The following COL12A1 variants were observed in gnomAD, a reference collection of about 807,000 sequenced individuals.
COL12A1 encodes collagen type XII alpha 1 chain, also known as collagen alpha-1(XII) chain.
COL12A1 carries 114 observed loss-of-function variants against 349.7 expected under a neutral mutation model. The observed-to-expected ratio is 0.33, with a 90% CI of 0.28 to 0.38. The LOEUF (loss-of-function observed/expected upper bound fraction) is 0.38. Ranked by LOEUF, COL12A1 falls within the 10% of genes least tolerant of loss-of-function variation. COL12A1 has a pLI of 1.00. For missense variants in COL12A1, 3,284 were observed against 3,756.9 expected (o/e 0.87, Z 3.29); for synonymous variants, 1,369 against 1,329.0 (o/e 1.03, Z -0.66).
chr6:75,173,632 C>T (rs559086043), intron 13 of COL12A1, among the ~76,000 whole-genome samples: 7 of 152,300 alleles, frequency 4.6e-5, no homozygotes, highest in South Asian at 2.1e-4. Flanking sequence ...GCCTTGGTCT[C>T]GCAAAGTGCT....
intron 3 of COL12A1, among the ~76,000 whole-genome samples, chr6:75,194,179 T>C (rs1166769354): frequency 6.6e-6 from 1 of 152,184 alleles, no homozygotes; most frequent in Non-Finnish European, 1.5e-5. Flanking sequence ...GTTGAACTAG[T>C]TTACAGTCAG....
At chr6:75,176,898 A>G (rs952648519) in intron 12 of COL12A1, among the ~76,000 whole-genome samples, 2 of 152,186 alleles carry the variant, frequency 1.3e-5, no homozygotes, top group African/African-American at 2.4e-5. Flanking sequence ...TTTTCCCCCA[A>G]TGAAATCACG....
chr6:75,187,086 T>C (rs1769664231), intron 8 of COL12A1, among the ~76,000 whole-genome samples: 1 of 151,744 alleles, frequency 6.6e-6, no homozygotes, highest in African/African-American at 2.4e-5. Context: ...AGTTTATCTA[T>C]GTAACAAACC....
At chr6:75,182,926 A>G (rs936773414) in intron 10 of COL12A1, 124 bp downstream of exon 10, 9 of 1,199,704 alleles carry the variant, frequency 7.5e-6, no homozygotes, top group Non-Finnish European at 1.0e-5. Flanking sequence ...ATAGTTTTCA[A>G]TAACATAGGA....
At position 75,084,972 on chromosome 6, in the gene COL12A1, G is replaced by C; in HGVS notation, c.*1575C>G. The C allele has an allele frequency of 3.5e-6, 1 of 283,792 alleles. No individual in the cohort carries two copies. The highest frequency in any genetic ancestry group is 3.4e-5 in the South Asian group (1 of 29,164). The allele number at this position is 283,792 out of a possible 1,614,324, so 17.6% of individuals were successfully genotyped here. On this transcript the variant is annotated 3_prime_UTR_variant, in exon 66 of 66. Transcript: ENST00000322507. ...GCAGCTTTTGTTAACAAAGTATTTT[G>C]CAAGCATTTCAAGGGCAAAGGCAAA...
intron 55 of COL12A1, among the ~76,000 whole-genome samples, chr6:75,103,183 C>T (rs1319721961): frequency 6.6e-6 from 1 of 152,230 alleles, no homozygotes; most frequent in Non-Finnish European, 1.5e-5. Context: ...ACCTTGGCAT[C>T]AGGCCTGGGT....
rs1424728965 is a variant in COL12A1 at position 75,087,563 on chromosome 6, T to G, written c.9181+14A>C. On this transcript the variant is annotated intron_variant, in intron 65 of 65. Transcript: ENST00000322507. The stretch of plus-strand genomic sequence containing the variant: ...TTCAGGTGAGTTGGGGTTCCTACAA[T>G]GGCAACAACGTACCTGGATAGCCTT... The G allele has an allele frequency of 6.2e-7, 1 of 1,613,098 alleles. No individual in the cohort carries two copies. Among genetic ancestry groups the G allele is most frequent in the Non-Finnish European group, 8.5e-7 (1 of 1,179,670 alleles).
chr6:75,135,076 C>CA (rs1391421244), intron 31 of COL12A1, among the ~76,000 whole-genome samples: 1 of 150,444 alleles, frequency 6.6e-6, no homozygotes, highest in Non-Finnish European at 1.5e-5. Context: ...CTGGTGACCC[C>CA]AAAAAGATAT....
chr6:75,187,879 CTGATCTT>C (rs1181490320), intron 8 of COL12A1, among the ~76,000 whole-genome samples: 16 of 152,108 alleles, frequency 1.1e-4, no homozygotes, highest in African/African-American at 3.9e-4. Flanking sequence ...ATCACATTGA[CTGATCTT>C]TGAAATATTC....
intron 14 of COL12A1, 48 bp from the exon 15 acceptor site, chr6:75,156,571 T>C: frequency 6.4e-7 from 1 of 1,551,996 alleles, no homozygotes; most frequent in South Asian, 1.2e-5. Flanking sequence ...TGAAAAAAAA[T>C]GTATGTCCAC....
chr6:75,118,618 AT>A (rs1350283581), intron 46 of COL12A1, among the ~76,000 whole-genome samples: 4 of 152,180 alleles, frequency 2.6e-5, no homozygotes, highest in Admixed American at 6.6e-5. Context: ...AATACTCCTT[AT>A]TTGCAACATA....
chr6:75,148,841 G>C (rs962170838), intron 21 of COL12A1, among the ~76,000 whole-genome samples: 6 of 152,146 alleles, frequency 3.9e-5, no homozygotes, highest in African/African-American at 1.4e-4. Flanking sequence ...ATCTCATCTT[G>C]AATTGTAGCT....
At chr6:75,123,236 T>C in intron 43 of COL12A1, 94 bp downstream of exon 43, 1 of 1,053,632 alleles carries the variant, frequency 9.5e-7, no homozygotes, top group African/African-American at 1.6e-5. Flanking sequence ...ATCAGAAATG[T>C]TCTATATTAA....
At chr6:75,187,716 T>A (rs1047825474) in intron 8 of COL12A1, among the ~76,000 whole-genome samples, 2 of 152,146 alleles carry the variant, frequency 1.3e-5, no homozygotes, top group Admixed American at 6.6e-5. Context: ...ACTTATCGAT[T>A]CTCAAGCTGA....
At position 75,152,340 on chromosome 6, in the gene COL12A1, T is replaced by C; in HGVS notation, c.3708A>G (p.Val1236=). Residue 1236 remains valine (V), a synonymous_variant, in exon 18 of 66, where the codon GTA becomes GTG. Transcript: ENST00000322507. ...VEVFDIGPKR[V]QIALAQYSGD... The stretch of plus-strand genomic sequence containing the variant: ...AATGTTGTCAGAACCTACCAATTTG[T>C]ACTCTTTTGGGGCCAATGTCAAAGA... 1 of 1,613,614 alleles carries C rather than the reference T, an allele frequency of 6.2e-7. No homozygotes were observed. The highest frequency in any genetic ancestry group is 8.5e-7 in the Non-Finnish European group (1 of 1,179,716).
intron 51 of COL12A1, 152 bp from the exon 52 acceptor site, chr6:75,109,319 T>C (rs1043143387): frequency 1.3e-4 from 78 of 578,350 alleles, no homozygotes; most frequent in Admixed American, 3.9e-5. Context: ...CAGTTGGCAA[T>C]GTTGATGAAA....
In COL12A1 at chr6:75,123,366, G is replaced by A. The variant is rs747966606; in HGVS notation, c.6910C>T (p.Pro2304Ser). The part of the protein sequence containing the change: ...PTEAPTEPPT[P>S]PPPPTIPPAR... ...GGTGGAATGGTGGGAGGGGGAGGAG[G>A]TGTGGGTGGCTCTGTAGGGGCTTCT... The change falls in exon 43 of 66, where the codon CCT becomes TCT. Residue 2304 changes from proline to serine, a missense_variant. This residue lies in a region of COL12A1 where 2,601 missense variants were observed against 2,824.8 expected (regional missense o/e 0.92). Coordinates refer to ENST00000322507, the MANE Select transcript of COL12A1 (RefSeq NM_004370.6). The A allele has an allele frequency of 1.8e-5, 29 of 1,605,388 alleles. No individual in the cohort carries two copies. Among genetic ancestry groups the A allele is most frequent in the Non-Finnish European group, 1.1e-5 (13 of 1,175,608 alleles).
chr6:75,109,045 G>A lies in COL12A1; in HGVS notation c.8073C>T (p.Leu2691=). The A allele has an allele frequency of 2.5e-6, 4 of 1,612,118 alleles. No homozygotes were observed. The highest frequency in any genetic ancestry group is 3.4e-6 in the Non-Finnish European group (4 of 1,179,234). The part of the protein sequence containing the change: ...TTDGYEILGK[L]LKGERKSAAF... ...CGGCTGATTTCCTTTCCCCTTTAAG[G>A]AGTTTTCCAAGAATTTCATAACCAT... is the stretch of plus-strand genomic sequence containing the variant. Residue 2691 remains leucine, a synonymous_variant, in exon 52 of 66, where the codon CTC becomes CTT. Coordinates refer to ENST00000322507, the MANE Select transcript of COL12A1 (RefSeq NM_004370.6).
chr6:75,167,027 T>A (rs536741047), intron 13 of COL12A1, among the ~76,000 whole-genome samples: 1 of 152,270 alleles, frequency 6.6e-6, no homozygotes, highest in African/African-American at 2.4e-5. Flanking sequence ...GGAAATTAGT[T>A]ACATATTTCA....
Sources: allele counts gnomAD v4.1 joint callset (sites outside exome capture counted in the v4.1 genomes callset), GRCh38; gene constraint gnomAD v4.1.1; regional missense constraint gnomAD v4.1.1; transcripts MANE v1.5; gene names NCBI Gene and HGNC (gene_info 2026-07-23, HGNC 2026-07-21).